DIP2C: variants seen among roughly 807,000 people sequenced by gnomAD.
DIP2C encodes disco-interacting protein 2 homolog C.
Under a neutral mutation model 192.4 loss-of-function variants are expected in DIP2C, and 33 were observed. The observed-to-expected ratio is 0.17, with a 90% CI of 0.13 to 0.23. The LOEUF (loss-of-function observed/expected upper bound fraction) is 0.23. Among genes scored for constraint, DIP2C ranks in the 10% least tolerant of loss-of-function variants. The pLI, the probability that DIP2C is intolerant of heterozygous loss-of-function variation, is 1.00. For missense variants in DIP2C, 1,537 were observed against 2,110.1 expected, an observed-to-expected ratio of 0.73 and a Z score of 5.32; for synonymous variants, 979 against 864.1, an observed-to-expected ratio of 1.13 and a Z score of -2.33.
At chr10:603,988 C>G (rs1221553809) in intron 1 of DIP2C, among the ~76,000 whole-genome samples, 1 of 150,404 alleles carries the variant, frequency 6.6e-6, no homozygotes, top group Non-Finnish European at 1.5e-5. Context: ...CCTCCGGCCC[C>G]AGCTCCCTCA....
At chr10:315,040 A>G (rs1187698966) in intron 31 of DIP2C, among the ~76,000 whole-genome samples, 5 of 152,056 alleles carry the variant, frequency 3.3e-5, no homozygotes, top group Admixed American at 2.0e-4. Context: ...CATGAATAGA[A>G]TATTTGTGGT....
At chr10:366,473 A>G (rs1400886234) in intron 18 of DIP2C, 62 bp from the exon 19 acceptor site, 56 of 1,607,162 alleles carry the variant, frequency 3.5e-5, no homozygotes, top group Non-Finnish European at 4.6e-5. Context: ...AATAAAGGAA[A>G]CAGGGAAGAC....
intron 31 of DIP2C, among the ~76,000 whole-genome samples, chr10:320,837 A>C (rs2132391989): frequency 6.6e-6 from 1 of 152,346 alleles, no homozygotes; most frequent in South Asian, 2.1e-4. Flanking sequence ...CATGGTGATA[A>C]ATAATTAAAA....
chr10:382,552 CCCTCAG>C (rs1385302643), intron 17 of DIP2C, 89 bp downstream of exon 17: 7 of 941,536 alleles, frequency 7.4e-6, no homozygotes, highest in South Asian at 7.3e-5. Flanking sequence ...TTCACCCTCA[CCCTCAG>C]CATCAACTGT....
At chr10:440,807 G>T (rs1967663317) in intron 4 of DIP2C, 64 bp downstream of exon 4, 3 of 1,544,840 alleles carry the variant, frequency 1.9e-6, no homozygotes, top group Non-Finnish European at 2.6e-6. Context: ...CTGATTGCTG[G>T]GCTAGGTCAA....
chr10:625,002 A>G (rs1854106706), intron 1 of DIP2C, among the ~76,000 whole-genome samples: 1 of 152,156 alleles, frequency 6.6e-6, no homozygotes, highest in Admixed American at 6.5e-5. Flanking sequence ...CTTGGCTGCC[A>G]GGGCCCAGGA....
At chr10:670,906 G>A (rs1297631863) in intron 1 of DIP2C, among the ~76,000 whole-genome samples, 1 of 152,202 alleles carries the variant, frequency 6.6e-6, no homozygotes, top group Non-Finnish European at 1.5e-5. Context: ...GGTATATGAA[G>A]TAAACATGTA....
Position 651,170 on chromosome 10 carries a change from G to A in DIP2C, c.85+38324C>T, listed in dbSNP as rs1463239196. On this transcript the variant is annotated intron_variant, in intron 1 of 36. Coordinates refer to ENST00000280886, the MANE Select transcript of DIP2C (RefSeq NM_014974.3). This position sits in a 1 kb window ranked among gnomAD's most constrained non-coding sequence, Gnocchi z 4.1. ...CTCAGGGGCACCTCCACCTGCCCAG[G>A]TCTGGGACCACCGTCCTCCACGCAT... The A allele has an allele frequency of 1.4e-6, 1 of 717,354 alleles. No individual in the cohort carries two copies. The highest frequency in any genetic ancestry group is 2.6e-6 in the Non-Finnish European group (1 of 385,128). The allele number at this position is 717,354 out of a possible 1,614,324, so 44.4% of individuals were successfully genotyped here.
chr10:344,655 T>C (rs1457851937), intron 28 of DIP2C, among the ~76,000 whole-genome samples, 154 bp downstream of exon 28: 1 of 152,212 alleles, frequency 6.6e-6, no homozygotes, highest in East Asian at 1.9e-4. Flanking sequence ...GAAATGGTCA[T>C]ACGTGTCATA....
intron 1 of DIP2C, among the ~76,000 whole-genome samples, chr10:532,002 C>T (rs1020865486): frequency 3.3e-5 from 5 of 152,202 alleles, no homozygotes; most frequent in African/African-American, 4.8e-5. Context: ...CAAAATACTT[C>T]GCCCAGAACC....
chr10:601,123 A>G (rs911040375), intron 1 of DIP2C, among the ~76,000 whole-genome samples: 2 of 152,248 alleles, frequency 1.3e-5, no homozygotes, highest in Non-Finnish European at 2.9e-5. Flanking sequence ...AAGAAAAACC[A>G]AAAGGCAGAA....
intron 1 of DIP2C, among the ~76,000 whole-genome samples, chr10:565,634 G>C (rs1849425101): frequency 6.6e-6 from 1 of 152,190 alleles, no homozygotes; most frequent in South Asian, 2.1e-4. Flanking sequence ...ATGTAAAATG[G>C]TGTGTTTCCC....
At chr10:335,923 G>A (rs554756315) in intron 29 of DIP2C, among the ~76,000 whole-genome samples, 1 of 152,228 alleles carries the variant, frequency 6.6e-6, no homozygotes, top group South Asian at 2.1e-4. Context: ...TCTTGAGACA[G>A]GGTCTCGCTC....
intron 3 of DIP2C, among the ~76,000 whole-genome samples, chr10:471,829 T>C (rs1321383410): frequency 2.0e-5 from 3 of 152,158 alleles, no homozygotes; most frequent in Non-Finnish European, 4.4e-5. Context: ...CTCGGCTCAC[T>C]GCAACCTCCG....
In DIP2C at chr10:369,439, G is replaced by A. The variant is rs1960692429; in HGVS notation, c.2131+55C>T. The stretch of plus-strand genomic sequence containing the variant: ...GGGAACGCAGGCTTTGGTGACATGT[G>A]TTAGAAAAGCATTTAATAACTGGTT... On this transcript the variant is annotated intron_variant, in intron 18 of 36. Transcript: ENST00000280886. 7.4e-6 allele frequency: 11 copies of A among 1,481,342 alleles called. No homozygotes were observed. The South Asian group carries it at 1.3e-4, about 18-fold the overall frequency. 91.8% of individuals were successfully genotyped at this position (1,481,342 alleles called of 1,614,324 possible).
In DIP2C at chr10:283,240, G is replaced by A. The variant is rs1030444345; in HGVS notation, c.4294+32C>T. 30 of 1,460,176 alleles carry A rather than the reference G, an allele frequency of 2.1e-5. No individual in the cohort carries two copies. The African/African-American group carries it at 7.4e-4, about 36-fold the overall frequency. 90.5% of individuals were successfully genotyped at this position (1,460,176 alleles called of 1,614,324 possible). On this transcript the variant is annotated intron_variant, in intron 35 of 36. Coordinates refer to ENST00000280886, the MANE Select transcript of DIP2C (RefSeq NM_014974.3). ...AGGAGCCTAACCTCTCTGCCCATCTGTTGGGGGGGGGCCGCCAGCCTGGAC... is the reference window on the plus strand; with the variant it reads ...AGGAGCCTAACCTCTCTGCCCATCTATTGGGGGGGGGCCGCCAGCCTGGAC...
chr10:559,028 TCA>T (rs1420158222), intron 1 of DIP2C, among the ~76,000 whole-genome samples: 7 of 150,540 alleles, frequency 4.6e-5, no homozygotes, highest in Non-Finnish European at 8.9e-5. Flanking sequence ...CCAAGGAATC[TCA>T]GAGGTTTTCA....
chr10:533,645 C>T (rs1255350955), intron 1 of DIP2C, among the ~76,000 whole-genome samples: 1 of 136,426 alleles, frequency 7.3e-6, no homozygotes, highest in Non-Finnish European at 1.5e-5. Flanking sequence ...AACAGAGATA[C>T]CTACCAAAAA....
At chr10:361,519 A>T (rs774043811) in intron 22 of DIP2C, among the ~76,000 whole-genome samples, 1 of 152,124 alleles carries the variant, frequency 6.6e-6, no homozygotes, top group Non-Finnish European at 1.5e-5. Context: ...TTCCATAAAC[A>T]CTTGTCTGAA....
Sources: allele counts gnomAD v4.1 joint callset (sites outside exome capture counted in the v4.1 genomes callset), GRCh38; gene constraint gnomAD v4.1.1; non-coding constraint Gnocchi (gnomAD v3.1); transcripts MANE v1.5; gene names NCBI Gene and HGNC (gene_info 2026-07-23, HGNC 2026-07-21).